MCF2L2: variants seen among roughly 807,000 people sequenced by gnomAD.
MCF2L2 encodes the protein MCF.2 cell line derived transforming sequence-like 2.
In MCF2L2, 102 loss-of-function variants were observed where a neutral mutation model predicts 150.2. The ratio of observed to expected loss-of-function variants is 0.68; its 90% CI spans 0.58 to 0.80. The LOEUF (loss-of-function observed/expected upper bound fraction) is 0.80, where lower values mean the gene tolerates loss of function less well. MCF2L2 is among the 30% of genes least tolerant of loss of function. The pLI is 0.00. For synonymous variants in MCF2L2, 465 were observed against 491.3 expected, an observed-to-expected ratio of 0.95 and a Z score of 0.71; for missense variants, 1,256 against 1,372.8, an observed-to-expected ratio of 0.91 and a Z score of 1.34.
At position 183,181,285 on chromosome 3, in the gene MCF2L2, G is replaced by A. The variant is rs2108626664; in HGVS notation, c.3017-1126C>T. Among the ~76,000 whole-genome samples the A allele has an allele frequency of 6.6e-6, 1 of 152,250 alleles. No homozygotes were observed. Among genetic ancestry groups the A allele is most frequent in the Admixed American group, 6.5e-5 (1 of 15,300 alleles). The stretch of plus-strand genomic sequence containing the variant: ...CGTTCTGGGCCCCAGGCCCTCCCCA[G>A]AGCAGATCAGTGGGGGCTGTGTGAG... On this transcript the variant is annotated intron_variant, in intron 27 of 29. Coordinates refer to ENST00000328913, the MANE Select transcript of MCF2L2 (RefSeq NM_015078.4). This position sits in a 1 kb window ranked among gnomAD's most constrained non-coding sequence, Gnocchi z 4.3.
chr3:183,380,019 A>G (rs1212280017), intron 2 of MCF2L2, among the ~76,000 whole-genome samples: 1 of 152,160 alleles, frequency 6.6e-6, no homozygotes, highest in African/African-American at 2.4e-5. Flanking sequence ...ATTATATAAA[A>G]CTGCTCAAAA....
At chr3:183,381,652 G>A (rs1358451167) in intron 2 of MCF2L2, among the ~76,000 whole-genome samples, 3 of 152,104 alleles carry the variant, frequency 2.0e-5, no homozygotes, top group East Asian at 1.9e-4. Flanking sequence ...GCTGTAGAAC[G>A]AAACCATGTG....
At chr3:183,230,774 G>A (rs1217245995) in intron 16 of MCF2L2, among the ~76,000 whole-genome samples, 177 bp downstream of exon 16, 6 of 152,180 alleles carry the variant, frequency 3.9e-5, no homozygotes, top group Admixed American at 6.5e-5. Flanking sequence ...TTGGCTACAT[G>A]GATCAAGAAA....
At chr3:183,388,659 CTA>C (rs1317380717) in intron 2 of MCF2L2, among the ~76,000 whole-genome samples, 1 of 152,134 alleles carries the variant, frequency 6.6e-6, no homozygotes, top group Non-Finnish European at 1.5e-5. Flanking sequence ...CTTTCAGTGA[CTA>C]TGTGCGCAGT....
At position 183,359,506 on chromosome 3, in the gene MCF2L2, TG is replaced by T. The variant is rs552893424; in HGVS notation, c.276-17877del. Among the ~76,000 whole-genome samples the T allele has an allele frequency of 3.9e-5, 6 of 152,366 alleles. No homozygotes were observed. The South Asian group carries it at 1.2e-3, about 32-fold the overall frequency. ...AATTCTCATCAAAAATAACATTTAC[TG>T]TCTATGGCCATATCACCTTGAACAC... On this transcript the variant is annotated intron_variant, in intron 3 of 29. Transcript: ENST00000328913.
chr3:183,351,789 T>G (rs887150209), intron 3 of MCF2L2, among the ~76,000 whole-genome samples: 2 of 152,164 alleles, frequency 1.3e-5, no homozygotes, highest in Non-Finnish European at 1.5e-5. Context: ...CTTTTTAAAT[T>G]TATTAGTCTA....
chr3:183,321,491 C>T (rs1577062024), intron 6 of MCF2L2, among the ~76,000 whole-genome samples: 1 of 146,594 alleles, frequency 6.8e-6, no homozygotes, highest in Non-Finnish European at 1.5e-5. Context: ...ATAGTAATAA[C>T]AAACTCTGAA....
At chr3:183,256,940 C>T (rs946102461) in intron 15 of MCF2L2, among the ~76,000 whole-genome samples, 3 of 152,072 alleles carry the variant, frequency 2.0e-5, no homozygotes, top group Admixed American at 1.3e-4. Context: ...ACAGTATTTG[C>T]GATGTGTTAA....
rs531200700 is a variant in MCF2L2 at position 183,336,101 on chromosome 3, T to C, written c.486+2699A>G. 5.3e-5 allele frequency among the ~76,000 whole-genome samples: 8 copies of C among 152,316 alleles called. No homozygotes were observed. In the East Asian group the frequency reaches 1.5e-3, roughly 29 times the overall value. On this transcript the variant is annotated intron_variant, in intron 5 of 29. Coordinates refer to ENST00000328913, the MANE Select transcript of MCF2L2 (RefSeq NM_015078.4). ...ATAAATTTCTGTTCTTTATAAATTATTGAGTCTGCAGTATTTTATTATAGC... is the reference window on the plus strand; with the variant it reads ...ATAAATTTCTGTTCTTTATAAATTACTGAGTCTGCAGTATTTTATTATAGC...
chr3:183,206,001 A>T, intron 24 of MCF2L2, 47 bp from the exon 25 acceptor site: 1 of 1,576,106 alleles, frequency 6.3e-7, no homozygotes, highest in Non-Finnish European at 8.7e-7. Context: ...ATGAGTATTA[A>T]TTGCAGAGTT....
rs1378204982 is a variant in MCF2L2, at chr3:183,267,851, C to T, written c.1862+9021G>A. On this transcript the variant is annotated intron_variant, in intron 15 of 29. Transcript: ENST00000328913. This position sits in a 1 kb window ranked among gnomAD's most constrained non-coding sequence, Gnocchi z 5.5. ...CTAGGGTCCTGACCTCCAATCCTTC[C>T]CCAGTAACCATCACTTTGAGTAAAC... 6.6e-6 allele frequency among the ~76,000 whole-genome samples: 1 copy of T among 152,244 alleles called. No homozygotes were observed. The highest frequency in any genetic ancestry group is 2.1e-4 in the South Asian group (1 of 4,822).
At position 183,428,304 on chromosome 3, in the gene MCF2L2, T is replaced by G; in HGVS notation, c.-327A>C. The stretch of plus-strand genomic sequence containing the variant: ...CCTCCGGCCGGGCGAGCTCCGGGGC[T>G]TCCAGAATCGCGGTCCCGGCCGCCA... On this transcript the variant is annotated 5_prime_UTR_variant, in exon 1 of 30. Coordinates refer to ENST00000328913, the MANE Select transcript of MCF2L2 (RefSeq NM_015078.4). The surrounding 1 kb of genome is among the most constrained non-coding windows in gnomAD (Gnocchi z 5.1). 1 of 308,046 alleles carries G rather than the reference T, an allele frequency of 3.2e-6. No individual in the cohort carries two copies. Among genetic ancestry groups the G allele is most frequent in the Non-Finnish European group, 6.0e-6 (1 of 166,212 alleles). 19.1% of individuals were successfully genotyped at this position (308,046 alleles called of 1,614,324 possible). A position where few individuals can be genotyped will look rare whatever the true frequency, so the allele number is the denominator to read the frequency against.
chr3:183,335,866 TCAAAA>T (rs941944737), intron 5 of MCF2L2, among the ~76,000 whole-genome samples: 22 of 152,030 alleles, frequency 1.4e-4, no homozygotes, highest in African/African-American at 5.3e-4. Flanking sequence ...ATCTCTAAAA[TCAAAA>T]CAAAACAAAA....
intron 11 of MCF2L2, chr3:183,297,932 T>C (rs930811670): frequency 6.6e-6 from 1 of 152,258 alleles, no homozygotes; most frequent in African/African-American, 2.4e-5. Flanking sequence ...CCGAATTGGT[T>C]ACCAGAACAC....
At chr3:183,348,514 A>G (rs1250412790) in intron 3 of MCF2L2, among the ~76,000 whole-genome samples, 1 of 152,118 alleles carries the variant, frequency 6.6e-6, no homozygotes, top group Non-Finnish European at 1.5e-5. Flanking sequence ...ATGTATACCT[A>G]TGGAACAAAC....
intron 3 of MCF2L2, among the ~76,000 whole-genome samples, chr3:183,351,236 ATTTATTTATT>A (rs1394667223): frequency 5.7e-5 from 4 of 70,384 alleles, no homozygotes; most frequent in African/African-American, 3.2e-4. Context: ...ATATATATAT[ATTTATTTATT>A]TATTTATCAG....
At chr3:183,205,320 T>C (rs1419132401) in intron 25 of MCF2L2, among the ~76,000 whole-genome samples, 1 of 152,128 alleles carries the variant, frequency 6.6e-6, no homozygotes, top group African/African-American at 2.4e-5. Flanking sequence ...GAGGTTGCAG[T>C]GAGCCCAGAT....
At chr3:183,350,898 C>T (rs1477477936) in intron 3 of MCF2L2, among the ~76,000 whole-genome samples, 2 of 148,284 alleles carry the variant, frequency 1.3e-5, no homozygotes, top group Admixed American at 6.7e-5. Context: ...AGCGAGACTC[C>T]GTCTCAAAAA....
At chr3:183,368,667 G>A (rs1263083321) in intron 3 of MCF2L2, among the ~76,000 whole-genome samples, 6 of 152,196 alleles carry the variant, frequency 3.9e-5, no homozygotes, top group South Asian at 2.1e-4. Context: ...AGGAGGCTGA[G>A]GCAGGAGAAC....
Sources: gnomAD v4.1 joint callset for allele counts (sites outside exome capture counted in the v4.1 genomes callset) on GRCh38, gnomAD v4.1.1 for gene constraint, Gnocchi (gnomAD v3.1) non-coding constraint, MANE v1.5 for transcripts, NCBI Gene and HGNC (gene_info 2026-07-23, HGNC 2026-07-21) for gene names.